The following PITPNM3 variants were observed in gnomAD, a reference collection of about 807,000 sequenced individuals.
PITPNM3 encodes PITPNM family member 3, also known as membrane-associated phosphatidylinositol transfer protein 3.
A neutral mutation model predicts 102.0 loss-of-function variants in PITPNM3; 26 were observed. The ratio of observed to expected loss-of-function variants is 0.25; its 90% CI spans 0.19 to 0.35. The LOEUF (loss-of-function observed/expected upper bound fraction) is 0.35, where lower values mean the gene tolerates loss of function less well. Among genes scored for constraint, PITPNM3 ranks in the 10% least tolerant of loss-of-function variants. PITPNM3 has a pLI of 1.00. For synonymous variants in PITPNM3, 578 were observed against 558.6 expected (o/e 1.03, Z -0.49); for missense variants, 1,083 against 1,346.1 (o/e 0.80, Z 3.06).
chr17:6,474,331 C>A, intron 10 of PITPNM3, 101 bp downstream of exon 10: 2 of 1,462,406 alleles, frequency 1.4e-6, no homozygotes, highest in Non-Finnish European at 1.9e-6. Flanking sequence ...TGTGACCCTC[C>A]CTGCCCCTGT....
Position 6,455,419 on chromosome 17 carries a change from G to A in PITPNM3, c.2844C>T (p.Pro948=), listed in dbSNP as rs377473358. The part of the protein sequence containing the change: ...NPKPERAQSQ[P]ESDKDHERPL... ...GCCGCTCGTGGTCTTTGTCCGACTC[G>A]GGCTGGCTCTGGGCCCGCTCGGGCT... Residue 948 remains proline (P), a synonymous_variant, in exon 20 of 20, where the codon CCC becomes CCT. Transcript: ENST00000262483. 5.6e-6 allele frequency: 9 copies of A among 1,601,920 alleles called. No individual in the cohort carries two copies. Among genetic ancestry groups the A allele is most frequent in the African/African-American group, 2.7e-5 (2 of 74,646 alleles).
intron 1 of PITPNM3, among the ~76,000 whole-genome samples, chr17:6,542,614 G>A (rs534535046): frequency 2.6e-5 from 4 of 152,262 alleles, no homozygotes; most frequent in African/African-American, 4.8e-5. Flanking sequence ...TTTCTCATCC[G>A]GAAAATGAGC....
In PITPNM3 at chr17:6,470,556, G is replaced by A. The variant is rs890863363; in HGVS notation, c.1625-148C>T. Reference sequence around the variant, plus strand: ...GAGCACCCTGGCCTGGAGGAGGCCTGGGGAACGCGCTGCTCTTCCTCCTTC... The same window carrying A: ...GAGCACCCTGGCCTGGAGGAGGCCTAGGGAACGCGCTGCTCTTCCTCCTTC... On this transcript the variant is annotated intron_variant, in intron 12 of 19. Transcript: ENST00000262483. The surrounding 1 kb of genome is among the most constrained non-coding windows in gnomAD (Gnocchi z 4.8). 1.8e-5 allele frequency: 18 copies of A among 1,016,708 alleles called. No individual in the cohort carries two copies. The highest frequency in any genetic ancestry group is 1.6e-4 in the Admixed American group (8 of 50,764). The allele number at this position is 1,016,708 out of a possible 1,614,324, so 63.0% of individuals were successfully genotyped here.
Position 6,508,816 on chromosome 17 carries a change from G to A in PITPNM3, c.227-5242C>T, listed in dbSNP as rs951111545. On this transcript the variant is annotated intron_variant, in intron 3 of 19. Transcript: ENST00000262483. The stretch of plus-strand genomic sequence containing the variant: ...TGTGGCGCCCGGACAGTAGGAAGCC[G>A]GGCTTGCCTGCCCAGTCCAAGCCAG... Among the ~76,000 whole-genome samples the A allele has an allele frequency of 7.9e-5, 12 of 152,116 alleles. No individual in the cohort carries two copies. In the East Asian group the frequency reaches 9.6e-4, roughly 12 times the overall value.
intron 2 of PITPNM3, among the ~76,000 whole-genome samples, chr17:6,529,834 G>A (rs1187722872): frequency 2.0e-5 from 3 of 152,152 alleles, no homozygotes; most frequent in Non-Finnish European, 4.4e-5. Flanking sequence ...CCAATACCAT[G>A]ACTCCCTCTT....
intron 18 of PITPNM3, 23 bp downstream of exon 18, chr17:6,461,350 C>T (rs372302337): frequency 5.3e-5 from 85 of 1,612,158 alleles, no homozygotes; most frequent in Non-Finnish European, 7.0e-5. Context: ...CCATGGAGTC[C>T]CCACCCCAGG....
chr17:6,548,284 GC>G (rs1910134255), intron 1 of PITPNM3, among the ~76,000 whole-genome samples: 1 of 152,184 alleles, frequency 6.6e-6, no homozygotes, highest in Non-Finnish European at 1.5e-5. Context: ...AAAGCACAGT[GC>G]CAGGAATTGC....
chr17:6,522,286 G>GTGCACACACACA (rs1555559213), intron 3 of PITPNM3, among the ~76,000 whole-genome samples: 1 of 149,218 alleles, frequency 6.7e-6, no homozygotes, highest in African/African-American at 2.5e-5. Context: ...TTTAGTGTGC[G>GTGCACACACACA]CACACACACA....
intron 3 of PITPNM3, among the ~76,000 whole-genome samples, chr17:6,508,192 G>C (rs1418564322): frequency 6.6e-6 from 1 of 152,182 alleles, no homozygotes; most frequent in Non-Finnish European, 1.5e-5. Context: ...GGTAAGAAGA[G>C]GGAAAATGTC....
At chr17:6,515,102 A>C (rs947867058) in intron 3 of PITPNM3, among the ~76,000 whole-genome samples, 2 of 152,166 alleles carry the variant, frequency 1.3e-5, no homozygotes, top group East Asian at 1.9e-4. Flanking sequence ...TTCAGAAATG[A>C]AAATGTTCTT....
chr17:6,513,719 A>G (rs900176921), intron 3 of PITPNM3, among the ~76,000 whole-genome samples: 1 of 152,240 alleles, frequency 6.6e-6, no homozygotes, highest in Non-Finnish European at 1.5e-5. Flanking sequence ...ATACTCCTCA[A>G]ATTGATCTAC....
In PITPNM3 at chr17:6,538,047, G is replaced by A. The variant is rs1233706809; in HGVS notation, c.58C>T (p.Leu20Phe). 2 of 1,613,728 alleles carry A rather than the reference G, an allele frequency of 1.2e-6. No individual in the cohort carries two copies. Among genetic ancestry groups the A allele is most frequent in the Non-Finnish European group, 1.7e-6 (2 of 1,179,842 alleles). ...ACAGAGTCACTGAGGACATTTCGAAGGTGCCAGGGGGCACCGCCGCCCGGG... is the reference window on the plus strand; with the variant it reads ...ACAGAGTCACTGAGGACATTTCGAAAGTGCCAGGGGGCACCGCCGCCCGGG... ...PPPGGGAPWH[L>F]RNVLSDSVES... The change falls in exon 2 of 20, where the codon CTT becomes TTT. Residue 20 changes from leucine to phenylalanine, a missense_variant. Coordinates refer to ENST00000262483, the MANE Select transcript of PITPNM3 (RefSeq NM_031220.4).
intron 1 of PITPNM3, among the ~76,000 whole-genome samples, chr17:6,552,240 GCCC>G (rs1910349612): frequency 6.6e-6 from 1 of 152,110 alleles, no homozygotes; most frequent in Non-Finnish European, 1.5e-5. Flanking sequence ...AGATATTCCT[GCCC>G]CAGCCTGAGA....
At chr17:6,467,972 T>C (rs538239362) in intron 14 of PITPNM3, among the ~76,000 whole-genome samples, 1 of 152,328 alleles carries the variant, frequency 6.6e-6, no homozygotes, top group Admixed American at 6.5e-5. Context: ...AACTGGTATC[T>C]CCTCACCAAC....
chr17:6,527,479 A>C (rs939052144), intron 2 of PITPNM3, among the ~76,000 whole-genome samples: 1 of 152,180 alleles, frequency 6.6e-6, no homozygotes, highest in Non-Finnish European at 1.5e-5. Context: ...TGGTATCATC[A>C]TCACCAGCAC....
rs1312638090 is a variant in PITPNM3 at position 6,454,391 on chromosome 17, G to C, written c.*947C>G. On this transcript the variant is annotated 3_prime_UTR_variant, in exon 20 of 20. Coordinates refer to ENST00000262483, the MANE Select transcript of PITPNM3 (RefSeq NM_031220.4). Reference sequence around the variant, plus strand: ...CAGCCCACCCAGACCCCCTCTCCCAGGCTGTGTGAAAGGTGTGGGTCACAG... The same window carrying C: ...CAGCCCACCCAGACCCCCTCTCCCACGCTGTGTGAAAGGTGTGGGTCACAG... The C allele has an allele frequency of 6.6e-6, 1 of 152,290 alleles. No individual in the cohort carries two copies. Among genetic ancestry groups the C allele is most frequent in the Non-Finnish European group, 1.5e-5 (1 of 68,068 alleles). The allele number at this position is 152,290 out of a possible 1,614,324, so 9.4% of individuals were successfully genotyped here.
chr17:6,520,917 T>C (rs1440994416), intron 3 of PITPNM3, among the ~76,000 whole-genome samples: 1 of 152,164 alleles, frequency 6.6e-6, no homozygotes, highest in African/African-American at 2.4e-5. Flanking sequence ...CCCACATATG[T>C]AGGGTACCTA....
At position 6,523,061 on chromosome 17, in the gene PITPNM3, C is replaced by T. The variant is rs568435237; in HGVS notation, c.226+2295G>A. Among the ~76,000 whole-genome samples the T allele has an allele frequency of 9.5e-4, 145 of 152,220 alleles. 1 individual carries two copies. The highest frequency in any genetic ancestry group is 3.1e-3 in the African/African-American group (128 of 41,548). ...AAGGAGCTGGAAATCCAGCTGGTTT[C>T]CTCTTCCTCTTACCCTCTCTCCTCT... On this transcript the variant is annotated intron_variant, in intron 3 of 19. Coordinates refer to ENST00000262483, the MANE Select transcript of PITPNM3 (RefSeq NM_031220.4).
In PITPNM3 at chr17:6,478,717, C is replaced by T. The variant is rs1051225595; in HGVS notation, c.607G>A (p.Asp203Asn). 11 of 1,586,300 alleles carry T rather than the reference C, an allele frequency of 6.9e-6. No individual in the cohort carries two copies. Among genetic ancestry groups the T allele is most frequent in the South Asian group, 3.4e-5 (3 of 87,974 alleles). ...LVSHLNPYSHDEGCLSSSQDH... is the reference protein window; with the variant it reads ...LVSHLNPYSHNEGCLSSSQDH... ...TGGCTGCTGCTGAGGCAGCCCTCAT[C>T]GTGGCTGTAGGGGTTCAGGCTGCAG... is the stretch of plus-strand genomic sequence containing the variant. The change falls in exon 7 of 20, where the codon GAT becomes AAT. Residue 203 changes from aspartate (D) to asparagine (N), a missense_variant. Physicochemically the swap from Asp to Asn is conservative, Grantham distance 23. This residue lies in a region of PITPNM3 where 290 missense variants were observed against 337.8 expected (regional missense o/e 0.86). Coordinates refer to ENST00000262483, the MANE Select transcript of PITPNM3 (RefSeq NM_031220.4). The surrounding 1 kb of genome is among the most constrained non-coding windows in gnomAD (Gnocchi z 4.4).
Sources: gnomAD v4.1 joint callset for allele counts (sites outside exome capture counted in the v4.1 genomes callset) on GRCh38, gnomAD v4.1.1 for gene constraint, gnomAD v4.1.1 regional missense constraint, Gnocchi (gnomAD v3.1) non-coding constraint, MANE v1.5 for transcripts, NCBI Gene and HGNC (gene_info 2026-07-23, HGNC 2026-07-21) for gene names.